Variants in RYR2 observed in about 807,000 individuals in gnomAD.
RYR2 encodes the protein cardiac muscle ryanodine receptor-calcium release channel.
In RYR2, 227 loss-of-function variants were observed where a neutral mutation model predicts 601.1. The ratio of observed to expected loss-of-function variants is 0.38; its 90% CI spans 0.34 to 0.42. The LOEUF is 0.42. RYR2 is among the 10% of genes least tolerant of loss of function. The pLI, the probability that RYR2 is intolerant of heterozygous loss-of-function variation, is 1.00. For missense variants in RYR2, 4,646 were observed against 6,156.5 expected, an observed-to-expected ratio of 0.75 and a Z score of 8.21; for synonymous variants, 2,223 against 2,175.1, an observed-to-expected ratio of 1.02 and a Z score of -0.61.
intron 24 of RYR2, among the ~76,000 whole-genome samples, chr1:237,517,466 C>T (rs373611462): frequency 6.6e-6 from 1 of 152,138 alleles, no homozygotes; most frequent in South Asian, 2.1e-4. Context: ...ACACAAAATA[C>T]ACTAACACTA....
Position 237,680,495 on chromosome 1 carries a change from C to T in RYR2, c.8935C>T (p.Arg2979Cys), listed in dbSNP as rs1685779180. The T allele has an allele frequency of 6.2e-7, 1 of 1,604,796 alleles. No individual in the cohort carries two copies. Among genetic ancestry groups the T allele is most frequent in the Non-Finnish European group, 8.5e-7 (1 of 1,172,264 alleles). The change falls in exon 62 of 105, where the codon CGT becomes TGT. Residue 2979 changes from arginine to cysteine, a missense_variant. Transcript: ENST00000366574. ...PLIDQYFKNHRLYFLSAASRP... is the reference protein window; with the variant it reads ...PLIDQYFKNHCLYFLSAASRP... ...AATTGATCAGTATTTCAAAAACCAT[C>T]GTTTATACTTCTTATCTGCAGCAAG...
intron 38 of RYR2, among the ~76,000 whole-genome samples, chr1:237,623,389 T>TC (rs1349118067): frequency 1.4e-4 from 19 of 132,488 alleles, no homozygotes; most frequent in African/African-American, 3.1e-4. Context: ...CTTTCTTTTT[T>TC]TTTTTTTTTT....
chr1:237,708,649 C>T (rs943607363), intron 68 of RYR2, among the ~76,000 whole-genome samples: 1 of 152,000 alleles, frequency 6.6e-6, no homozygotes, highest in Non-Finnish European at 1.5e-5. Flanking sequence ...CAAGGAAGAT[C>T]GTTGAATTCA....
chr1:237,591,170 CCTCCTCCCCCTTCTCCTCCTCCCCCTTCT>C (rs1675146753), intron 31 of RYR2, among the ~76,000 whole-genome samples, 178 bp downstream of exon 31: 1 of 3,918 alleles, frequency 2.6e-4, no homozygotes, highest in Admixed American at 4.3e-3. Flanking sequence ...TCCCCCTTCT[CCTCCTCCCCCTTCTCCTCCTCCCCCTTCT>C]CCTCCTCCCC....
chr1:237,462,144 A>G (rs1199951973), intron 16 of RYR2, among the ~76,000 whole-genome samples: 1 of 152,136 alleles, frequency 6.6e-6, no homozygotes, highest in Non-Finnish European at 1.5e-5. Context: ...CTTTGGTTCA[A>G]ATATTAACTC....
At chr1:237,466,493 TTTTTCC>T (rs1377031580) in intron 16 of RYR2, among the ~76,000 whole-genome samples, 1 of 152,094 alleles carries the variant, frequency 6.6e-6, no homozygotes, top group Non-Finnish European at 1.5e-5. Context: ...ATTTTGTCCT[TTTTTCC>T]TTTTCTTTTT....
chr1:237,638,616 A>G (rs1681120595), intron 45 of RYR2, 124 bp downstream of exon 45: 2 of 1,070,670 alleles, frequency 1.9e-6, no homozygotes, highest in Non-Finnish European at 2.7e-6. Flanking sequence ...TTTATAATCG[A>G]TAGGGGTTTT....
intron 10 of RYR2, among the ~76,000 whole-genome samples, chr1:237,392,690 A>C (rs945356733): frequency 2.6e-5 from 4 of 151,926 alleles, no homozygotes. Context: ...TGGATTTGAT[A>C]TGCACTATGT....
intron 1 of RYR2, among the ~76,000 whole-genome samples, chr1:237,044,283 C>T (rs1326607654): frequency 5.3e-5 from 8 of 151,806 alleles, no homozygotes; most frequent in African/African-American, 1.9e-4. Context: ...TATAATTTTT[C>T]AATCAATTCG....
intron 3 of RYR2, among the ~76,000 whole-genome samples, chr1:237,352,611 A>G (rs1277061465): frequency 6.6e-6 from 1 of 152,304 alleles, no homozygotes; most frequent in East Asian, 1.9e-4. Context: ...CCAGTTCTAA[A>G]TGAAGAAGAG....
chr1:237,166,752 G>T (rs1676756192), intron 1 of RYR2, among the ~76,000 whole-genome samples: 1 of 152,222 alleles, frequency 6.6e-6, no homozygotes, highest in Non-Finnish European at 1.5e-5. Context: ...GTACTGCAGT[G>T]CAGAAGGTCT....
At chr1:237,048,422 G>A (rs898234565) in intron 1 of RYR2, among the ~76,000 whole-genome samples, 1 of 151,544 alleles carries the variant, frequency 6.6e-6, no homozygotes, top group Non-Finnish European at 1.5e-5. Context: ...TTCAACCTTC[G>A]TCATCCTTCC....
chr1:237,042,603 A>C, intron 1 of RYR2, 34 bp downstream of exon 1: 1 of 1,252,824 alleles, frequency 8.0e-7, no homozygotes, highest in Non-Finnish European at 1.0e-6. Context: ...CTGTCAGGGG[A>C]AGGGGGCGTC....
intron 27 of RYR2, among the ~76,000 whole-genome samples, chr1:237,557,708 A>G (rs924373538): frequency 1.3e-5 from 2 of 152,104 alleles, no homozygotes; most frequent in African/African-American, 2.4e-5. Context: ...CTTTGGCAAT[A>G]CTGTGAACAG....
intron 5 of RYR2, among the ~76,000 whole-genome samples, chr1:237,368,181 A>G (rs963323809): frequency 6.6e-6 from 1 of 152,242 alleles, no homozygotes; most frequent in Non-Finnish European, 1.5e-5. Context: ...CTGTGTCGTT[A>G]AAGAGTCACA....
chr1:237,173,675 A>G (rs569674014), intron 1 of RYR2, among the ~76,000 whole-genome samples: 1 of 152,332 alleles, frequency 6.6e-6, no homozygotes, highest in African/African-American at 2.4e-5. Context: ...ACACGCACAC[A>G]GTTTATATGT....
At chr1:237,355,605 C>A (rs975282475) in intron 3 of RYR2, among the ~76,000 whole-genome samples, 1 of 152,048 alleles carries the variant, frequency 6.6e-6, no homozygotes, top group Non-Finnish European at 1.5e-5. Context: ...TTAATTAAAT[C>A]AGTTTTTATA....
chr1:237,476,870 C>T (rs966055183), intron 17 of RYR2, among the ~76,000 whole-genome samples: 1 of 152,118 alleles, frequency 6.6e-6, no homozygotes, highest in African/African-American at 2.4e-5. Context: ...TTGAGTAGTA[C>T]CAACAATTCA....
At chr1:237,824,707 G>A (rs1021840516) in intron 101 of RYR2, among the ~76,000 whole-genome samples, 1 of 151,978 alleles carries the variant, frequency 6.6e-6, no homozygotes, top group African/African-American at 2.4e-5. Context: ...AGAAATAAAG[G>A]GTATTCAATT....
Sources: allele counts gnomAD v4.1 joint callset (sites outside exome capture counted in the v4.1 genomes callset), GRCh38; gene constraint gnomAD v4.1.1; transcripts MANE v1.5; gene names NCBI Gene and HGNC (gene_info 2026-07-23, HGNC 2026-07-21).